Variants in SPATA31C1 observed in about 807,000 individuals in gnomAD.
The protein encoded by SPATA31C1 is spermatogenesis-associated protein 31C1.
At chr9:87,915,712 CAA>C (rs1001273959) in intron 1 of SPATA31C1, among the ~76,000 whole-genome samples, 4 of 142,816 alleles carry the variant, frequency 2.8e-5, no homozygotes, top group South Asian at 2.4e-4. Flanking sequence ...GCACTTTTTT[CAA>C]AAGTCAGTTG....
chr9:87,923,320 G>A, exon 5 of SPATA31C1: 1 of 1,602,412 alleles, frequency 6.2e-7, no homozygotes, highest in African/African-American at 1.3e-5. Context: ...AGACAAATCA[G>A]AGATCAGCAG....
rs757346507 is a variant in SPATA31C1, at chr9:87,919,174, C to T, written n.523-117C>T. ...CCTGAGCAAGACAGACAGAGCCATG[C>T]GGTTCATGAGTGCAGCGTGCTGCGG... On this transcript the variant is annotated intron_variant and non_coding_transcript_variant, in intron 2 of 4. Coordinates refer to ENST00000420021, the Ensembl canonical transcript of SPATA31C1. 40 of 1,577,426 alleles carry T rather than the reference C, an allele frequency of 2.5e-5. No individual in the cohort carries two copies. In the African/African-American group the frequency reaches 3.2e-4, roughly 13 times the overall value.
At chr9:87,918,766 G>A in intron 2 of SPATA31C1, 1 of 227,190 alleles carries the variant, frequency 4.4e-6, no homozygotes, top group South Asian at 4.6e-5. Context: ...ATCCCTGTGT[G>A]TGTGCGTGTG....
At chr9:87,921,028 T>C in exon 5 of SPATA31C1, 2 of 1,611,962 alleles carry the variant, frequency 1.2e-6, no homozygotes, top group Non-Finnish European at 1.7e-6. Context: ...TCTCCTGCTT[T>C]TCTATCCCCG....
At chr9:87,922,115 G>T in exon 5 of SPATA31C1, 2 of 1,613,860 alleles carry the variant, frequency 1.2e-6, no homozygotes, top group Non-Finnish European at 1.7e-6. Flanking sequence ...TGCCAGAGAG[G>T]CTTCAGGCCT....
intron 2 of SPATA31C1, 180 bp from the exon 2 acceptor site, chr9:87,919,072 CTCT>C (rs1828774240): frequency 2.0e-6 from 2 of 1,004,516 alleles, no homozygotes; most frequent in Non-Finnish European, 2.9e-6. Flanking sequence ...ACCCGACCCC[CTCT>C]TCCTGTTTTT....
At chr9:87,920,822 C>A in exon 5 of SPATA31C1, 1 of 1,613,874 alleles carries the variant, frequency 6.2e-7, no homozygotes, top group East Asian at 2.2e-5. Context: ...GGTGCATCTT[C>A]AACTCGTCAG....
At chr9:87,916,257 A>T (rs1828715454) in intron 1 of SPATA31C1, among the ~76,000 whole-genome samples, 1 of 144,442 alleles carries the variant, frequency 6.9e-6, no homozygotes, top group African/African-American at 2.5e-5. Context: ...ATCTCAAAAA[A>T]AAAAAAAAAG....
At chr9:87,922,610 G>A in exon 5 of SPATA31C1, 2 of 1,609,018 alleles carry the variant, frequency 1.2e-6, no homozygotes, top group Non-Finnish European at 1.7e-6. Flanking sequence ...CAGAGAATTT[G>A]GCTTCTCAAG....
chr9:87,916,694 G>A lies in SPATA31C1; in HGVS notation n.190-1153G>A, dbSNP rs1828728925. On this transcript the variant is annotated intron_variant and non_coding_transcript_variant, in intron 1 of 4. Coordinates refer to ENST00000420021, the Ensembl canonical transcript of SPATA31C1. ...GTCCTTTTAAATTATCAAGCCCAGA[G>A]AGACATTAAAATAAGACAGCAGGCC... Among the ~76,000 whole-genome samples the A allele has an allele frequency of 2.3e-5, 3 of 129,440 alleles. No homozygotes were observed. The South Asian group carries it at 8.7e-4, about 37-fold the overall frequency. 84.9% of individuals were successfully genotyped at this position (129,440 alleles called of 152,430 possible). A position where few individuals can be genotyped will look rare whatever the true frequency, so the allele number is the denominator to read the frequency against.
chr9:87,920,133 C>T, intron 4 of SPATA31C1, 119 bp from the exon 4 acceptor site: 1 of 1,599,210 alleles, frequency 6.3e-7, no homozygotes, highest in Non-Finnish European at 8.5e-7. Context: ...ATTGGGTGGT[C>T]AGGGTGTGGC....
chr9:87,921,227 A>C (rs1237112213), exon 5 of SPATA31C1: 3 of 1,611,852 alleles, frequency 1.9e-6, no homozygotes, highest in African/African-American at 2.7e-5. Flanking sequence ...CCCAGGAAAG[A>C]CTGACATCCA....
At chr9:87,919,448 T>G in intron 3 of SPATA31C1, 100 bp downstream of exon 2, 5 of 1,519,816 alleles carry the variant, frequency 3.3e-6, no homozygotes, top group Non-Finnish European at 4.4e-6. Flanking sequence ...AGGTGGGGGC[T>G]CCTAGGAAGG....
At position 87,921,310 on chromosome 9, in the gene SPATA31C1, G is replaced by T. The variant is rs534497821; in HGVS notation, n.1700G>T. The T allele has an allele frequency of 1.1e-5, 18 of 1,612,042 alleles. No individual in the cohort carries two copies. The African/African-American group carries it at 2.3e-4, about 20-fold the overall frequency. ...GAGCAATACATGGGGCAACGTGGAA[G>T]GATCCAAGAGTCTCTGGATCTGATG... On this transcript the variant is annotated non_coding_transcript_exon_variant, in exon 5 of 5. Transcript: ENST00000420021.
exon 5 of SPATA31C1, chr9:87,921,649 T>C (rs1289994854): frequency 6.2e-7 from 1 of 1,611,964 alleles, no homozygotes; most frequent in Non-Finnish European, 8.5e-7. Flanking sequence ...ATAGAAAACA[T>C]CCTGAAAGCC....
chr9:87,915,475 C>G (rs867683667), intron 1 of SPATA31C1, among the ~76,000 whole-genome samples: 1 of 144,678 alleles, frequency 6.9e-6, no homozygotes, highest in Non-Finnish European at 1.5e-5. Context: ...GGCTAATTTT[C>G]GTATTTTTAG....
intron 2 of SPATA31C1, 81 bp from the exon 2 acceptor site, chr9:87,919,174 C>G (rs757346507): frequency 6.3e-7 from 1 of 1,577,432 alleles, no homozygotes; most frequent in East Asian, 2.4e-5. Flanking sequence ...CAGAGCCATG[C>G]GGTTCATGAG....
At chr9:87,919,184 G>C (rs1828778674) in intron 2 of SPATA31C1, 71 bp from the exon 2 acceptor site, 2 of 1,591,710 alleles carry the variant, frequency 1.3e-6, no homozygotes, top group Non-Finnish European at 1.7e-6. Context: ...CGGTTCATGA[G>C]TGCAGCGTGC....
exon 5 of SPATA31C1, chr9:87,921,197 T>C: frequency 2.5e-6 from 4 of 1,611,952 alleles, no homozygotes; most frequent in Non-Finnish European, 3.4e-6. Context: ...ACGTCTTTAG[T>C]GTCTCCACTC....
Sources: allele counts gnomAD v4.1 joint callset (sites outside exome capture counted in the v4.1 genomes callset), GRCh38; gene constraint gnomAD v4.1.1; transcripts MANE v1.5; gene names NCBI Gene and HGNC (gene_info 2026-07-23, HGNC 2026-07-21).